Variants in REEP3 observed in about 807,000 individuals in gnomAD.
The protein encoded by REEP3 is receptor accessory protein 3.
In REEP3, 20 loss-of-function variants were observed where a neutral mutation model predicts 41.3. That is an observed-to-expected ratio of 0.48 (90% CI 0.34 to 0.70). REEP3 has a LOEUF of 0.70. REEP3 is among the 30% of genes least tolerant of loss of function. The pLI is 0.01. For missense variants in REEP3, 271 were observed against 308.8 expected (o/e 0.88, Z 0.92); for synonymous variants, 104 against 101.8 (o/e 1.02, Z -0.13).
chr10:63,572,282 C>CTT (rs1955859539), intron 2 of REEP3, among the ~76,000 whole-genome samples: 1 of 150,732 alleles, frequency 6.6e-6, no homozygotes, highest in Admixed American at 6.6e-5. Flanking sequence ...AAGTCCTAAA[C>CTT]TTAGCCATCT....
At chr10:63,567,563 A>T (rs1244158554) in intron 2 of REEP3, among the ~76,000 whole-genome samples, 1 of 152,188 alleles carries the variant, frequency 6.6e-6, no homozygotes, top group Non-Finnish European at 1.5e-5. Flanking sequence ...GTATGGATAT[A>T]TGACATTTTG....
At chr10:63,606,673 G>A (rs1014517333) in intron 5 of REEP3, among the ~76,000 whole-genome samples, 1 of 152,112 alleles carries the variant, frequency 6.6e-6, no homozygotes, top group East Asian at 1.9e-4. Flanking sequence ...ATTTACAAGT[G>A]ACTATAATGT....
chr10:63,617,961 AT>A (rs1415416863), intron 6 of REEP3, among the ~76,000 whole-genome samples: 19 of 151,230 alleles, frequency 1.3e-4, no homozygotes, highest in African/African-American at 4.6e-4. Context: ...AGTAGCTGGG[AT>A]TACAGACTCC....
chr10:63,614,603 T>C (rs1956299160), intron 6 of REEP3, among the ~76,000 whole-genome samples: 1 of 152,194 alleles, frequency 6.6e-6, no homozygotes, highest in Non-Finnish European at 1.5e-5. Flanking sequence ...CCCAGGCCAG[T>C]GTGCCGAGAG....
intron 2 of REEP3, among the ~76,000 whole-genome samples, chr10:63,589,011 G>A (rs989374521): frequency 2.6e-5 from 4 of 152,194 alleles, no homozygotes; most frequent in African/African-American, 9.6e-5. Context: ...AGGTGCAGTA[G>A]CAGGTGAGGG....
chr10:63,553,273 A>G (rs758059152), intron 1 of REEP3, among the ~76,000 whole-genome samples: 2 of 152,184 alleles, frequency 1.3e-5, no homozygotes, highest in African/African-American at 2.4e-5. Context: ...GAGTGATTTG[A>G]ATAAATGGAA....
intron 1 of REEP3, among the ~76,000 whole-genome samples, chr10:63,549,172 C>T (rs930616772): frequency 6.6e-6 from 1 of 152,124 alleles, no homozygotes; most frequent in Non-Finnish European, 1.5e-5. Context: ...AAGGACTGAC[C>T]TAGTGTAGGT....
intron 1 of REEP3, among the ~76,000 whole-genome samples, chr10:63,543,176 TTAAAA>T (rs1321641204): frequency 6.6e-6 from 1 of 152,212 alleles, no homozygotes; most frequent in African/African-American, 2.4e-5. Flanking sequence ...ACTTAGTGAC[TTAAAA>T]TAATAATCAT....
chr10:63,523,036 A>AG (rs397802105), intron 1 of REEP3, among the ~76,000 whole-genome samples: 1 of 146,282 alleles, frequency 6.8e-6, no homozygotes, highest in African/African-American at 2.5e-5. Context: ...AAAAAAAAAA[A>AG]GCCTCTGGAT....
intron 2 of REEP3, among the ~76,000 whole-genome samples, chr10:63,572,259 C>G (rs1424620422): frequency 1.3e-5 from 2 of 151,686 alleles, no homozygotes; most frequent in Non-Finnish European, 2.9e-5. Flanking sequence ...TTGCTTGCAC[C>G]CAGTGCAAGG....
At position 63,613,199 on chromosome 10, in the gene REEP3, AC is replaced by A. The variant is rs561698338; in HGVS notation, c.565+2866del. 5.9e-5 allele frequency among the ~76,000 whole-genome samples: 9 copies of A among 152,094 alleles called. No homozygotes were observed. The South Asian group carries it at 1.5e-3, about 25-fold the overall frequency. On this transcript the variant is annotated intron_variant, in intron 6 of 7. Coordinates refer to ENST00000373758, the MANE Select transcript of REEP3 (RefSeq NM_001001330.3). ...GCTAATTTTTATATTTTTAGTAGAG[AC>A]GGGGTTTCACCATGTTGGTCAGGCT...
In REEP3 at chr10:63,524,383, C is replaced by G. The variant is rs1955338077; in HGVS notation, c.32+2806C>G. On this transcript the variant is annotated intron_variant, in intron 1 of 7. Coordinates refer to ENST00000373758, the MANE Select transcript of REEP3 (RefSeq NM_001001330.3). ...CCAAAGCACCCTGTATGTAGAAGCA[C>G]TTTGTCCCAAGATCCTGCACTTTAA... Among the ~76,000 whole-genome samples the G allele has an allele frequency of 2.0e-5, 3 of 152,164 alleles. No individual in the cohort carries two copies. In the South Asian group the frequency reaches 6.2e-4, roughly 32 times the overall value.
rs1160185358 is a variant in REEP3 at position 63,621,617 on chromosome 10, T to A, written c.*748T>A. 3.3e-5 allele frequency: 5 copies of A among 152,656 alleles called. No individual in the cohort carries two copies. Among genetic ancestry groups the A allele is most frequent in the Admixed American group, 2.6e-4 (4 of 15,278 alleles). The allele number at this position is 152,656 out of a possible 1,614,324, so 9.5% of individuals were successfully genotyped here. ...TCATTGGATTTTAATAATATAAAAG[T>A]ATAGCTAATTGTTCAGTTTTAACTA... On this transcript the variant is annotated 3_prime_UTR_variant, in exon 8 of 8. Coordinates refer to ENST00000373758, the MANE Select transcript of REEP3 (RefSeq NM_001001330.3).
At chr10:63,560,933 C>T (rs1955734476) in intron 1 of REEP3, among the ~76,000 whole-genome samples, 1 of 152,098 alleles carries the variant, frequency 6.6e-6, no homozygotes, top group Non-Finnish European at 1.5e-5. Context: ...CAGTAATATT[C>T]ACATTGGAGC....
chr10:63,603,576 G>C (rs1956195739), intron 5 of REEP3, among the ~76,000 whole-genome samples: 1 of 152,072 alleles, frequency 6.6e-6, no homozygotes, highest in Non-Finnish European at 1.5e-5. Flanking sequence ...AATCATCTAA[G>C]TCACTCCTGC....
chr10:63,558,750 A>AG (rs1554804763), intron 1 of REEP3, among the ~76,000 whole-genome samples: 2 of 151,954 alleles, frequency 1.3e-5, no homozygotes, highest in Admixed American at 6.6e-5. Context: ...GTCAAAAAAA[A>AG]TAAAAAATAG....
chr10:63,594,631 G>T, intron 2 of REEP3, 147 bp from the exon 3 acceptor site: 1 of 597,452 alleles, frequency 1.7e-6, no homozygotes, highest in Non-Finnish European at 3.0e-6. Flanking sequence ...ATCACTTTCT[G>T]CGTTTGACCC....
intron 2 of REEP3, among the ~76,000 whole-genome samples, chr10:63,587,912 C>T (rs1956022491): frequency 6.6e-6 from 1 of 152,210 alleles, no homozygotes; most frequent in African/African-American, 2.4e-5. Flanking sequence ...TCTCTTGTTT[C>T]ATTGTCCTAG....
chr10:63,620,818 G>A lies in REEP3; in HGVS notation c.717G>A (p.Arg239=), dbSNP rs769800334. Residue 239 remains arginine (R), a synonymous_variant, in exon 8 of 8, where the codon CGG becomes CGA. Transcript: ENST00000373758. ...TAAAACATTTCTCTCTTCAGGTGCG[G>A]TACGGGTCACTAAAATACAAAGTGA... ...VKTTKGRKEV[R]YGSLKYKVKK... The A allele has an allele frequency of 1.2e-6, 2 of 1,602,420 alleles. No individual in the cohort carries two copies. The highest frequency in any genetic ancestry group is 3.4e-5 in the Admixed American group (2 of 59,494).
Sources: allele counts gnomAD v4.1 joint callset (sites outside exome capture counted in the v4.1 genomes callset), GRCh38; gene constraint gnomAD v4.1.1; transcripts MANE v1.5; gene names NCBI Gene and HGNC (gene_info 2026-07-23, HGNC 2026-07-21).